GDA: variants seen among roughly 807,000 people sequenced by gnomAD.
GDA encodes guanine deaminase, also known as cytoplasmic PSD-95 interactor.
GDA carries 18 observed loss-of-function variants against 59.6 expected under a neutral mutation model. The observed-to-expected ratio is 0.30, with a 90% CI of 0.21 to 0.45. GDA has a LOEUF of 0.45. Among genes scored for constraint, GDA ranks in the 20% least tolerant of loss-of-function variants. The pLI, the probability that GDA is intolerant of heterozygous loss-of-function variation, is 1.00. For synonymous variants in GDA, 201 were observed against 201.1 expected, an observed-to-expected ratio of 1.00 and a Z score of 0.00; for missense variants, 427 against 552.3, an observed-to-expected ratio of 0.77 and a Z score of 2.27.
At chr9:72,208,175 C>T (rs970152950) in intron 3 of GDA, among the ~76,000 whole-genome samples, 17 of 152,160 alleles carry the variant, frequency 1.1e-4, no homozygotes, top group African/African-American at 3.9e-4. Context: ...GTCTAAGGTA[C>T]GGCATGTTCA....
intron 1 of GDA, among the ~76,000 whole-genome samples, chr9:72,138,389 C>T (rs1023625172): frequency 2.6e-5 from 4 of 152,218 alleles, no homozygotes; most frequent in African/African-American, 4.8e-5. Flanking sequence ...GGTGCTCCTG[C>T]TCTCTCAGGG....
chr9:72,153,277 C>T (rs1827454231), intron 1 of GDA, among the ~76,000 whole-genome samples: 1 of 151,828 alleles, frequency 6.6e-6, no homozygotes, highest in African/African-American at 2.4e-5. Flanking sequence ...GATGCGGGCT[C>T]TTTTTTGGTT....
Position 72,250,053 on chromosome 9 carries a change from G to A in GDA, c.*1711G>A, listed in dbSNP as rs1840535376. ...AGTATCTTAGTAAACCCAATTTCCA[G>A]TCTTAGTCTGTATTTCCAATATTTC... On this transcript the variant is annotated 3_prime_UTR_variant, in exon 14 of 14. Transcript: ENST00000358399. 1 of 973,664 alleles carries A rather than the reference G, an allele frequency of 1.0e-6. No homozygotes were observed. 60.3% of individuals were successfully genotyped at this position (973,664 alleles called of 1,614,324 possible). A position where few individuals can be genotyped will look rare whatever the true frequency, so the allele number is the denominator to read the frequency against.
chr9:72,204,583 T>C (rs1438640218), intron 3 of GDA, among the ~76,000 whole-genome samples: 2 of 152,204 alleles, frequency 1.3e-5, no homozygotes, highest in Admixed American at 1.3e-4. Flanking sequence ...AGGTAAAGCA[T>C]ATCTATGCTT....
chr9:72,208,359 G>A (rs952221795), intron 3 of GDA, among the ~76,000 whole-genome samples: 2 of 152,192 alleles, frequency 1.3e-5, no homozygotes, highest in African/African-American at 4.8e-5. Context: ...GCCACTGTCT[G>A]GAGGGTTTTC....
upstream of GDA, among the ~76,000 whole-genome samples, chr9:72,145,394 G>A (rs946003506): frequency 6.6e-6 from 1 of 152,138 alleles, no homozygotes; most frequent in Non-Finnish European, 1.5e-5. Flanking sequence ...AACTGCACAG[G>A]CAAGCCAACC....
intron 1 of GDA, among the ~76,000 whole-genome samples, chr9:72,116,162 A>AG (rs1260193664): frequency 6.6e-6 from 1 of 151,694 alleles, no homozygotes; most frequent in Admixed American, 6.6e-5. Flanking sequence ...TGAACCTGGG[A>AG]GGGGGAGGTT....
At chr9:72,114,866 C>G (rs567913473) in intron 1 of GDA, 1 of 152,206 alleles carries the variant, frequency 6.6e-6, no homozygotes, top group African/African-American at 2.4e-5. Context: ...CTACAGCACC[C>G]CAAAGAGGGA....
downstream of GDA, among the ~76,000 whole-genome samples, chr9:72,255,117 C>A (rs1840855270): frequency 6.6e-6 from 1 of 152,198 alleles, no homozygotes. Flanking sequence ...CTGCTCCCTA[C>A]AGAGCAGGGC....
At chr9:72,191,581 C>T (rs1215214316) in intron 1 of GDA, among the ~76,000 whole-genome samples, 4 of 151,554 alleles carry the variant, frequency 2.6e-5, no homozygotes, top group Non-Finnish European at 4.4e-5. Flanking sequence ...ACGCCATTCT[C>T]CTGCCTCAGC....
At chr9:72,131,120 C>G (rs10781075) in intron 1 of GDA, among the ~76,000 whole-genome samples, 69,236 of 152,042 alleles carry the variant, frequency 0.46, 17,934 homozygotes, top group Non-Finnish European at 0.58. Context: ...ATTAATCAGC[C>G]ATTAAATAAA....
At chr9:72,212,354 C>A (rs1445555150) in intron 4 of GDA, among the ~76,000 whole-genome samples, 1 of 151,768 alleles carries the variant, frequency 6.6e-6, no homozygotes, top group Non-Finnish European at 1.5e-5. Context: ...TAGTGGTGGG[C>A]GCCTGTAGTC....
At position 72,197,851 on chromosome 9, in the gene GDA, T is replaced by C. The variant is rs1833387352; in HGVS notation, c.212+2263T>C. ...TTAATAGACTTGGCCCAATACACAG[T>C]GTATCTACAGGTCTATCTCAGTACT... is the stretch of plus-strand genomic sequence containing the variant. On this transcript the variant is annotated intron_variant, in intron 2 of 13. Transcript: ENST00000358399. 2.6e-5 allele frequency among the ~76,000 whole-genome samples: 4 copies of C among 152,236 alleles called. No individual in the cohort carries two copies. The Middle Eastern group carries it at 0.014, about 518-fold the overall frequency.
intron 1 of GDA, among the ~76,000 whole-genome samples, chr9:72,184,152 A>T (rs1221388040): frequency 6.6e-6 from 1 of 152,112 alleles, no homozygotes; most frequent in African/African-American, 2.4e-5. Flanking sequence ...CCCCCTCATT[A>T]TCAATATCCC....
intron 3 of GDA, among the ~76,000 whole-genome samples, chr9:72,208,643 C>A (rs542490350): frequency 5.1e-4 from 77 of 152,286 alleles, no homozygotes; most frequent in African/African-American, 1.0e-3. Context: ...AAGACAGTTT[C>A]TAAAAGCTTC....
chr9:72,198,267 C>T (rs1179345566), intron 2 of GDA, among the ~76,000 whole-genome samples: 4 of 149,804 alleles, frequency 2.7e-5, no homozygotes, highest in African/African-American at 4.9e-5. Context: ...GGGCCGGGTG[C>T]GGTGGCTCAC....
intron 1 of GDA, among the ~76,000 whole-genome samples, chr9:72,164,488 T>G (rs10869137): frequency 0.55 from 83,019 of 151,974 alleles, 23,213 homozygotes; most frequent in Middle Eastern, 0.62. Context: ...TTTGGAATGA[T>G]TGGAAGATAA....
chr9:72,138,322 C>T (rs536744392), intron 1 of GDA, among the ~76,000 whole-genome samples: 16 of 152,254 alleles, frequency 1.1e-4, no homozygotes, highest in Admixed American at 5.9e-4. Context: ...TGCCTTGAAA[C>T]GCATGAGGCT....
chr9:72,119,495 T>G (rs1825585440), intron 1 of GDA, among the ~76,000 whole-genome samples: 1 of 152,130 alleles, frequency 6.6e-6, no homozygotes, highest in Non-Finnish European at 1.5e-5. Flanking sequence ...TGAGACCCTG[T>G]CTCAAAAAAA....
Sources: allele counts gnomAD v4.1 joint callset (sites outside exome capture counted in the v4.1 genomes callset), GRCh38; gene constraint gnomAD v4.1.1; transcripts MANE v1.5; gene names NCBI Gene and HGNC (gene_info 2026-07-23, HGNC 2026-07-21).